The following MYCBP2 variants were observed in gnomAD, a reference collection of about 807,000 sequenced individuals.
MYCBP2 encodes the protein MYC binding protein 2, also known as E3 ubiquitin-protein ligase MYCBP2.
A neutral mutation model predicts 525.3 loss-of-function variants in MYCBP2; 120 were observed. That is an observed-to-expected ratio of 0.23 (90% CI 0.20 to 0.27). The LOEUF (loss-of-function observed/expected upper bound fraction) is 0.27, where lower values mean the gene tolerates loss of function less well. Ranked by LOEUF, MYCBP2 falls within the 10% of genes least tolerant of loss-of-function variation. MYCBP2 has a pLI of 1.00. For missense variants in MYCBP2, 4,149 were observed against 5,657.1 expected, an observed-to-expected ratio of 0.73 and a Z score of 8.55; for synonymous variants, 1,894 against 1,955.8, an observed-to-expected ratio of 0.97 and a Z score of 0.83.
chr13:77,199,378 C>T (rs1397835641), intron 26 of MYCBP2, among the ~76,000 whole-genome samples: 1 of 152,264 alleles, frequency 6.6e-6, no homozygotes, highest in Non-Finnish European at 1.5e-5. Flanking sequence ...CTGCACCTGA[C>T]TCGGAGGGTC....
At chr13:77,266,928 G>A (rs2074192334) in intron 8 of MYCBP2, among the ~76,000 whole-genome samples, 2 of 151,770 alleles carry the variant, frequency 1.3e-5, no homozygotes, top group Admixed American at 1.3e-4. Flanking sequence ...TATGTAGTAA[G>A]GTTCAAATAA....
chr13:77,266,699 T>C (rs2154341611), intron 8 of MYCBP2, among the ~76,000 whole-genome samples: 1 of 145,844 alleles, frequency 6.9e-6, no homozygotes, highest in South Asian at 2.1e-4. Flanking sequence ...TTATTGTCAT[T>C]ATTATTATTA....
chr13:77,320,633 A>G (rs1026178022), intron 1 of MYCBP2, among the ~76,000 whole-genome samples: 3 of 152,166 alleles, frequency 2.0e-5, no homozygotes, highest in Admixed American at 6.5e-5. Context: ...ACAAATGGAA[A>G]AAGCATACAT....
intron 10 of MYCBP2, 51 bp downstream of exon 10, chr13:77,263,600 T>C (rs757667965): frequency 2.7e-6 from 4 of 1,495,018 alleles, no homozygotes; most frequent in South Asian, 1.2e-5. Context: ...TTTAAGAGTA[T>C]GAAAAATTGA....
Position 77,156,060 on chromosome 13 carries a change from T to C in MYCBP2, c.6913A>G (p.Lys2305Glu). ...YGDVVHVPNM[K>E]VEVKAVPVSQ... ...TAATTTAATCCAGTTATAATTACCTTCATATTGGGAACATGTACCACATCC... is the reference window on the plus strand; with the variant it reads ...TAATTTAATCCAGTTATAATTACCTCCATATTGGGAACATGTACCACATCC... The change falls in exon 46 of 83, where the codon AAG becomes GAG. Residue 2305 changes from lysine to glutamate, a missense_variant and splice_region_variant. Lys to Glu is a moderately conservative substitution (Grantham distance 56). Transcript: ENST00000544440. The C allele has an allele frequency of 1.2e-6, 2 of 1,611,504 alleles. No individual in the cohort carries two copies.
At chr13:77,248,061 C>T (rs1239858536) in intron 15 of MYCBP2, among the ~76,000 whole-genome samples, 2 of 150,584 alleles carry the variant, frequency 1.3e-5, no homozygotes, top group African/African-American at 2.4e-5. Context: ...TTAATGGGTG[C>T]AGCACACCAA....
intron 10 of MYCBP2, 43 bp downstream of exon 10, chr13:77,263,608 T>G: frequency 1.3e-6 from 2 of 1,549,804 alleles, no homozygotes; most frequent in Non-Finnish European, 1.8e-6. Context: ...TATGAAAAAT[T>G]GAAAATTAAA....
At chr13:77,254,625 T>C (rs576703696) in intron 14 of MYCBP2, among the ~76,000 whole-genome samples, 1 of 152,012 alleles carries the variant, frequency 6.6e-6, no homozygotes, top group East Asian at 1.9e-4. Flanking sequence ...CTAAATTCTC[T>C]CTTCTAGCTA....
In MYCBP2 at chr13:77,055,751, A is replaced by T. The variant is rs1399874039; in HGVS notation, c.13454T>A (p.Ile4485Lys). The stretch of plus-strand genomic sequence containing the variant: ...TGGATCAAGTAGGTCTTTTAGTACT[A>T]TGTGATTAATTTTGTTCTGCAATAA... ...CPICKNKINH[I>K]VLKDLLDPIK... Residue 4485 changes from isoleucine (I) to lysine (K), a missense_variant, in exon 80 of 83, where the codon ATA becomes AAA. Ile to Lys is a moderately radical substitution (Grantham distance 102). This residue lies in a region of MYCBP2 where 220 missense variants were observed against 396.0 expected (regional missense o/e 0.56). Transcript: ENST00000544440. The T allele has an allele frequency of 6.2e-7, 1 of 1,611,514 alleles. No homozygotes were observed. Among genetic ancestry groups the T allele is most frequent in the Non-Finnish European group, 8.5e-7 (1 of 1,178,780 alleles).
chr13:77,205,404 T>A, intron 25 of MYCBP2, 21 bp from the exon 26 acceptor site: 2 of 1,611,990 alleles, frequency 1.2e-6, no homozygotes, highest in South Asian at 2.2e-5. Flanking sequence ...TAAATCATAA[T>A]CTATGTTTTA....
intron 18 of MYCBP2, among the ~76,000 whole-genome samples, chr13:77,232,684 A>C (rs913217100): frequency 6.6e-6 from 1 of 152,108 alleles, no homozygotes; most frequent in Admixed American, 6.6e-5. Flanking sequence ...TGTTGTTTAT[A>C]TAAACTTAAT....
intron 52 of MYCBP2, among the ~76,000 whole-genome samples, chr13:77,133,192 C>T (rs1272583331): frequency 6.6e-6 from 1 of 152,034 alleles, no homozygotes; most frequent in African/African-American, 2.4e-5. Flanking sequence ...GTTCCAATAC[C>T]AGCTCCACTA....
At chr13:77,078,161 C>A (rs1003806956) in intron 66 of MYCBP2, 2 of 152,044 alleles carry the variant, frequency 1.3e-5, no homozygotes, top group South Asian at 2.1e-4. Context: ...ATTATTTTCC[C>A]AAATTCTTCA....
Position 77,326,711 on chromosome 13 carries a change from A to T in MYCBP2, c.65T>A (p.Phe22Tyr). ...AASSGLGGDG[F>Y]YPAATFSSSP... Reference sequence around the variant, plus strand: ...GGAAGAGAAGGTGGCGGCTGGGTAGAATCCGTCCCCGCCGAGCCCCGAGGA... The same window carrying T: ...GGAAGAGAAGGTGGCGGCTGGGTAGTATCCGTCCCCGCCGAGCCCCGAGGA... Residue 22 changes from phenylalanine (F) to tyrosine (Y), a missense_variant, in exon 1 of 83, where the codon TTC (phenylalanine) becomes TAC (tyrosine). Around this residue, in one of 21 missense-constraint regions of MYCBP2, gnomAD observed 413 missense variants for 451.2 expected, o/e 0.92. Transcript: ENST00000544440. This position sits in a 1 kb window ranked among gnomAD's most constrained non-coding sequence, Gnocchi z 4.2. 1 of 1,423,878 alleles carries T rather than the reference A, an allele frequency of 7.0e-7. No individual in the cohort carries two copies. 88.2% of individuals were successfully genotyped at this position (1,423,878 alleles called of 1,614,324 possible).
chr13:77,050,188 C>G (rs541234735), intron 82 of MYCBP2, among the ~76,000 whole-genome samples: 1 of 152,070 alleles, frequency 6.6e-6, no homozygotes, highest in African/African-American at 2.4e-5. Flanking sequence ...AGGGTTGATA[C>G]GCTGGTAATT....
chr13:77,144,961 G>A (rs1196983867), intron 48 of MYCBP2, among the ~76,000 whole-genome samples: 1 of 152,126 alleles, frequency 6.6e-6, no homozygotes, highest in Non-Finnish European at 1.5e-5. Context: ...TTTTTATGCT[G>A]CAATCACCTT....
intron 80 of MYCBP2, among the ~76,000 whole-genome samples, chr13:77,055,349 C>T (rs1454518193): frequency 1.3e-5 from 2 of 151,968 alleles, no homozygotes; most frequent in South Asian, 2.1e-4. Flanking sequence ...CTGCATGTTT[C>T]GAAAAGTTTG....
intron 1 of MYCBP2, among the ~76,000 whole-genome samples, chr13:77,307,645 AAAAAAAAAAC>A (rs1295856006): frequency 6.7e-6 from 1 of 149,266 alleles, no homozygotes; most frequent in Non-Finnish European, 1.5e-5. Context: ...AAAAAAAAAA[AAAAAAAAAAC>A]TTCATTGTAT....
chr13:77,230,373 G>A (rs2066963346), intron 18 of MYCBP2, among the ~76,000 whole-genome samples: 1 of 152,128 alleles, frequency 6.6e-6, no homozygotes, highest in African/African-American at 2.4e-5. Context: ...TAAACTAGAA[G>A]ATAAACTGGG....
Sources: gnomAD v4.1 joint callset for allele counts (sites outside exome capture counted in the v4.1 genomes callset) on GRCh38, gnomAD v4.1.1 for gene constraint, gnomAD v4.1.1 regional missense constraint, Gnocchi (gnomAD v3.1) non-coding constraint, MANE v1.5 for transcripts, NCBI Gene and HGNC (gene_info 2026-07-23, HGNC 2026-07-21) for gene names.